MAN2A1: variants seen among roughly 807,000 people sequenced by gnomAD.
MAN2A1 encodes alpha-mannosidase 2.
Under a neutral mutation model 142.6 loss-of-function variants are expected in MAN2A1, and 76 were observed. The observed-to-expected ratio is 0.53, with a 90% CI of 0.44 to 0.65. MAN2A1 has a LOEUF of 0.65. Ranked by LOEUF, MAN2A1 falls within the 30% of genes least tolerant of loss-of-function variation. The pLI, the probability that MAN2A1 is intolerant of heterozygous loss-of-function variation, is 0.00. For synonymous variants in MAN2A1, 559 were observed against 473.2 expected, an observed-to-expected ratio of 1.18 and a Z score of -2.35; for missense variants, 1,311 against 1,365.1, an observed-to-expected ratio of 0.96 and a Z score of 0.62.
chr5:109,817,199 T>TATCTAC, intron 12 of MAN2A1, 74 bp from the exon 13 acceptor site: 1 of 1,239,146 alleles, frequency 8.1e-7, no homozygotes, highest in Non-Finnish European at 1.2e-6. Context: ...TGTATATGTA[T>TATCTAC]ATCTACATGT....
chr5:109,861,428 T>C (rs905156184), intron 20 of MAN2A1, among the ~76,000 whole-genome samples: 1 of 152,246 alleles, frequency 6.6e-6, no homozygotes, highest in Non-Finnish European at 1.5e-5. Flanking sequence ...TTGCAGTTTT[T>C]GCTATTAAAA....
Position 109,827,792 on chromosome 5 carries a change from A to T in MAN2A1, c.2566+3955A>T, listed in dbSNP as rs186325468. On this transcript the variant is annotated intron_variant, in intron 16 of 21. Transcript: ENST00000261483. ...TCACTAGCCTTAAAAGCTCTACAAG[A>T]TCAGAGCAGTTCAGAATTTCTAATG... 4.1e-4 allele frequency among the ~76,000 whole-genome samples: 63 copies of T among 152,366 alleles called. 1 individual carries two copies. Among genetic ancestry groups the T allele is most frequent in the Middle Eastern group, 6.8e-3 (2 of 294 alleles).
chr5:109,694,944 A>G (rs1419172330), intron 1 of MAN2A1, among the ~76,000 whole-genome samples: 1 of 152,150 alleles, frequency 6.6e-6, no homozygotes, highest in Non-Finnish European at 1.5e-5. Context: ...CGTTTGTATG[A>G]GGGAGATTGT....
chr5:109,740,430 A>G (rs148883640), intron 4 of MAN2A1, among the ~76,000 whole-genome samples: 3 of 152,110 alleles, frequency 2.0e-5, no homozygotes, highest in African/African-American at 7.2e-5. Context: ...CAGGTAGGAG[A>G]TGTGTGTCTG....
At chr5:109,746,140 A>T (rs1475598797) in intron 4 of MAN2A1, among the ~76,000 whole-genome samples, 1 of 152,016 alleles carries the variant, frequency 6.6e-6, no homozygotes, top group East Asian at 1.9e-4. Context: ...ACACCCAGCT[A>T]ATTTTTGTAT....
At chr5:109,791,908 C>G (rs1409032898) in intron 12 of MAN2A1, among the ~76,000 whole-genome samples, 1 of 151,900 alleles carries the variant, frequency 6.6e-6, no homozygotes, top group Non-Finnish European at 1.5e-5. Flanking sequence ...TAGCAATAAA[C>G]CTAACATAAC....
At chr5:109,708,774 G>A (rs1751212862) in intron 1 of MAN2A1, among the ~76,000 whole-genome samples, 1 of 152,158 alleles carries the variant, frequency 6.6e-6, no homozygotes, top group African/African-American at 2.4e-5. Flanking sequence ...AAAGGCTGGA[G>A]AACCTGGAGT....
At chr5:109,795,364 T>A (rs955280565) in intron 12 of MAN2A1, among the ~76,000 whole-genome samples, 1 of 152,162 alleles carries the variant, frequency 6.6e-6, no homozygotes, top group African/African-American at 2.4e-5. Flanking sequence ...CAACCTCACA[T>A]TGACTGAAAT....
chr5:109,833,562 C>T (rs138054201), intron 16 of MAN2A1, among the ~76,000 whole-genome samples: 1,923 of 152,066 alleles, frequency 0.013, 47 homozygotes, highest in African/African-American at 0.043. Flanking sequence ...CCCAGGCACT[C>T]GGCAGGCTGA....
rs372606706 is a variant in MAN2A1 at position 109,718,603 on chromosome 5, C to T, written c.535+2339C>T. Among the ~76,000 whole-genome samples, 20 of 152,260 alleles carry T rather than the reference C, an allele frequency of 1.3e-4. No homozygotes were observed. The South Asian group carries it at 4.1e-3, about 32-fold the overall frequency. On this transcript the variant is annotated intron_variant, in intron 3 of 21. Transcript: ENST00000261483. ...CCTCATGGCCTAGCTGAACACTTGG[C>T]ATATAGAATAATTGCCAAATAAATA...
intron 12 of MAN2A1, among the ~76,000 whole-genome samples, chr5:109,812,515 A>G (rs1013780737): frequency 6.6e-6 from 1 of 152,166 alleles, no homozygotes; most frequent in Admixed American, 6.5e-5. Flanking sequence ...AGAATACTGT[A>G]TAAAGCTTAA....
chr5:109,690,286 C>G lies in MAN2A1; in HGVS notation c.-132C>G. ...AGGTGCGGAGCAAGGCGGGGACTCG[C>G]ACCCGCATCCGAGAGCGCGGAGGTC... On this transcript the variant is annotated 5_prime_UTR_variant, in exon 1 of 22. Coordinates refer to ENST00000261483, the MANE Select transcript of MAN2A1 (RefSeq NM_002372.4). The G allele has an allele frequency of 2.2e-6, 2 of 902,182 alleles. No individual in the cohort carries two copies. The allele number at this position is 902,182 out of a possible 1,614,324, so 55.9% of individuals were successfully genotyped here. A position where few individuals can be genotyped will look rare whatever the true frequency, so the allele number is the denominator to read the frequency against.
Position 109,845,988 on chromosome 5 carries a change from G to A in MAN2A1, c.2824G>A (p.Val942Ile). 2 of 1,611,898 alleles carry A rather than the reference G, an allele frequency of 1.2e-6. No homozygotes were observed. Among genetic ancestry groups the A allele is most frequent in the East Asian group, 2.2e-5 (1 of 44,748 alleles). The change falls in exon 18 of 22, where the codon GTT (valine) becomes ATT (isoleucine). Residue 942 changes from valine (V) to isoleucine (I), a missense_variant. This residue lies in a region of MAN2A1 where 890 missense variants were observed against 920.5 expected (regional missense o/e 0.97). Coordinates refer to ENST00000261483, the MANE Select transcript of MAN2A1 (RefSeq NM_002372.4). ...LTLLSAQSLG[V>I]SSLNSGQIEV... is the part of the protein sequence containing the mutation. ...ACTGCTCTCTGCTCAGTCATTAGGGGTTTCGAGTTTGAATAGTGGTATGTA... is the reference window on the plus strand; with the variant it reads ...ACTGCTCTCTGCTCAGTCATTAGGGATTTCGAGTTTGAATAGTGGTATGTA...
At position 109,713,729 on chromosome 5, in the gene MAN2A1, C is replaced by G. The variant is rs1364963129; in HGVS notation, c.345C>G (p.Asp115Glu). 3 of 1,614,100 alleles carry G rather than the reference C, an allele frequency of 1.9e-6. No homozygotes were observed. The South Asian group carries it at 3.3e-5, about 18-fold the overall frequency. Residue 115 changes from aspartate (D) to glutamate (E), a missense_variant, in exon 2 of 22, where the codon GAC becomes GAG. Physicochemically the swap from Asp to Glu is conservative, Grantham distance 45. Coordinates refer to ENST00000261483, the MANE Select transcript of MAN2A1 (RefSeq NM_002372.4). ...TATCCCTCTCAGTTGACACTGCAGA[C>G]TGTCTGTTTGCTTCACAAAGTGGAA... ...SQLSLSVDTA[D>E]CLFASQSGSH...
intron 1 of MAN2A1, among the ~76,000 whole-genome samples, chr5:109,706,570 A>G (rs1349760723): frequency 6.6e-6 from 1 of 152,226 alleles, no homozygotes. Context: ...TAGCCTGAAC[A>G]GGAGCCAATG....
At chr5:109,831,396 G>C (rs1035454020) in intron 16 of MAN2A1, among the ~76,000 whole-genome samples, 2 of 152,194 alleles carry the variant, frequency 1.3e-5, no homozygotes, top group African/African-American at 2.4e-5. Context: ...CTAGGTCTTA[G>C]AGAATGTCAC....
At chr5:109,693,427 C>A (rs1203691658) in intron 1 of MAN2A1, among the ~76,000 whole-genome samples, 2 of 151,670 alleles carry the variant, frequency 1.3e-5, no homozygotes, top group Non-Finnish European at 2.9e-5. Flanking sequence ...TTTTTGGTAT[C>A]TAGTAGAACG....
chr5:109,799,248 C>A (rs1753949427), intron 12 of MAN2A1, among the ~76,000 whole-genome samples: 1 of 152,160 alleles, frequency 6.6e-6, no homozygotes, highest in African/African-American at 2.4e-5. Context: ...TTTTCCATTA[C>A]CCTAAGGATA....
intron 3 of MAN2A1, among the ~76,000 whole-genome samples, chr5:109,726,427 A>G (rs559078117): frequency 1.3e-4 from 20 of 152,328 alleles, no homozygotes; most frequent in South Asian, 2.1e-4. Flanking sequence ...GCAAGAGGCT[A>G]TCTTTCAGTT....
Sources: allele counts gnomAD v4.1 joint callset (sites outside exome capture counted in the v4.1 genomes callset), GRCh38; gene constraint gnomAD v4.1.1; regional missense constraint gnomAD v4.1.1; transcripts MANE v1.5; gene names NCBI Gene and HGNC (gene_info 2026-07-23, HGNC 2026-07-21).